Variants in CALN1 observed in about 807,000 individuals in gnomAD.
The protein encoded by CALN1 is calneuron 1.
A neutral mutation model predicts 30.6 loss-of-function variants in CALN1; 17 were observed. That is an observed-to-expected ratio of 0.56 (90% CI 0.38 to 0.83). The LOEUF (loss-of-function observed/expected upper bound fraction) is 0.83, where lower values mean the gene tolerates loss of function less well. Ranked by LOEUF, CALN1 falls within the 40% of genes least tolerant of loss-of-function variation. The pLI, the probability that CALN1 is intolerant of heterozygous loss-of-function variation, is 0.00. For synonymous variants in CALN1, 156 were observed against 131.4 expected, an observed-to-expected ratio of 1.19 and a Z score of -1.28; for missense variants, 291 against 354.9, an observed-to-expected ratio of 0.82 and a Z score of 1.45.
intron 3 of CALN1, among the ~76,000 whole-genome samples, chr7:72,170,038 C>T (rs1563117581): frequency 6.6e-6 from 1 of 152,134 alleles, no homozygotes; most frequent in South Asian, 2.1e-4. Context: ...ACTCTGTCAC[C>T]CAGGCTGGAG....
At chr7:72,458,177 AT>A in the CALN1 span, among the ~76,000 whole-genome samples, 28 of 71,148 alleles carry the variant, frequency 3.9e-4, no homozygotes, top group Admixed American at 6.2e-4. Context: ...TATTTTATGT[AT>A]TATATTTAAT....
At chr7:72,327,750 T>C (rs1024641295) in intron 2 of CALN1, among the ~76,000 whole-genome samples, 12 of 152,230 alleles carry the variant, frequency 7.9e-5, no homozygotes, top group Non-Finnish European at 1.8e-4. Context: ...AATGAATATT[T>C]AATTGCTCTA....
chr7:72,224,269 G>A (rs908959068), intron 3 of CALN1, among the ~76,000 whole-genome samples: 3 of 152,074 alleles, frequency 2.0e-5, no homozygotes, highest in Non-Finnish European at 4.4e-5. Context: ...CACTAGAGGA[G>A]GTAAAATGCA....
intron 2 of CALN1, among the ~76,000 whole-genome samples, chr7:72,323,655 C>T (rs949458006): frequency 1.4e-5 from 2 of 140,396 alleles, no homozygotes; most frequent in Non-Finnish European, 3.0e-5. Flanking sequence ...GAGCGAGACT[C>T]CATCTCAAAA....
intron 2 of CALN1, among the ~76,000 whole-genome samples, chr7:72,355,190 G>C (rs1014746941): frequency 2.0e-4 from 31 of 152,192 alleles, no homozygotes; most frequent in Non-Finnish European, 2.9e-5. Context: ...TTACAGGCGT[G>C]AGCCAACGTG....
At chr7:72,265,779 A>G (rs1022313532) in intron 3 of CALN1, among the ~76,000 whole-genome samples, 1 of 152,002 alleles carries the variant, frequency 6.6e-6, no homozygotes, top group Non-Finnish European at 1.5e-5. Context: ...GTTCTTAGAA[A>G]TAAGAACCTA....
intron 4 of CALN1, among the ~76,000 whole-genome samples, chr7:72,028,228 T>A (rs545607845): frequency 1.8e-4 from 28 of 152,110 alleles, no homozygotes; most frequent in African/African-American, 6.5e-4. Flanking sequence ...AACGAGGCTG[T>A]CTTTGAACAG....
At chr7:72,340,068 G>A (rs947389289) in intron 2 of CALN1, among the ~76,000 whole-genome samples, 20 of 152,346 alleles carry the variant, frequency 1.3e-4, no homozygotes, top group Admixed American at 5.2e-4. Flanking sequence ...CCTTGGATGA[G>A]AGGGAACTGA....
At chr7:71,922,473 GAATA>G (rs1054807057) in intron 5 of CALN1, among the ~76,000 whole-genome samples, 9 of 140,114 alleles carry the variant, frequency 6.4e-5, no homozygotes, top group Admixed American at 2.9e-4. Context: ...ATATAAATAT[GAATA>G]TATATTAATA....
At position 72,323,923 on chromosome 7, in the gene CALN1, A is replaced by C. The variant is rs1801081597; in HGVS notation, c.120-45113T>G. 1.3e-5 allele frequency among the ~76,000 whole-genome samples: 2 copies of C among 151,920 alleles called. 1 individual carries two copies. Among genetic ancestry groups the C allele is most frequent in the South Asian group, 4.2e-4 (2 of 4,814 alleles). Reference sequence around the variant, plus strand: ...GCCGGGTGCTGTGGCACACGTCTATAGTCCCAGCTACTCGGGAGGCTGAGG... The same window carrying C: ...GCCGGGTGCTGTGGCACACGTCTATCGTCCCAGCTACTCGGGAGGCTGAGG... On this transcript the variant is annotated intron_variant, in intron 2 of 6. Coordinates refer to ENST00000395275, the MANE Select transcript of CALN1 (RefSeq NM_031468.4).
intron 2 of CALN1, among the ~76,000 whole-genome samples, chr7:72,311,962 G>A (rs1800084648): frequency 6.6e-6 from 1 of 152,050 alleles, no homozygotes; most frequent in Admixed American, 6.6e-5. Flanking sequence ...AAACAACAGT[G>A]GCTTCCAAGA....
chr7:72,046,185 T>G (rs73188343), intron 4 of CALN1, among the ~76,000 whole-genome samples: 5 of 151,654 alleles, frequency 3.3e-5, no homozygotes, highest in African/African-American at 1.2e-4. Context: ...TGGGGGTACA[T>G]GCCGACAGTC....
At chr7:72,101,101 T>C (rs1806630295) in intron 4 of CALN1, among the ~76,000 whole-genome samples, 1 of 151,944 alleles carries the variant, frequency 6.6e-6, no homozygotes, top group African/African-American at 2.4e-5. Flanking sequence ...GTAGCTGAGA[T>C]TACAGGCACA....
chr7:72,477,492 A>ACTACAGCCTTT, the CALN1 span, among the ~76,000 whole-genome samples: 3 of 152,236 alleles, frequency 2.0e-5, no homozygotes, highest in Middle Eastern at 3.4e-3. Flanking sequence ...ATCATAGCTC[A>ACTACAGCCTTT]CTACAGCCTT....
chr7:72,094,637 A>C (rs1806095510), intron 4 of CALN1, among the ~76,000 whole-genome samples: 1 of 152,122 alleles, frequency 6.6e-6, no homozygotes, highest in Non-Finnish European at 1.5e-5. Context: ...ACTTGAATTC[A>C]ACACGGTCAG....
chr7:72,205,551 A>AAATATATACATACATACAT, intron 3 of CALN1, among the ~76,000 whole-genome samples: 7 of 83,052 alleles, frequency 8.4e-5, no homozygotes, highest in African/African-American at 4.5e-4. Context: ...GCAAAAAAAA[A>AAATATATACATACATACAT]ATATATATAT....
chr7:72,393,182 C>T (rs7787380), intron 2 of CALN1, among the ~76,000 whole-genome samples: 90,371 of 151,964 alleles, frequency 0.59, 28,511 homozygotes, highest in African/African-American at 0.81. Context: ...AAAACTAGCA[C>T]TCCGGCTGGG....
chr7:72,332,074 C>G (rs1490631181), intron 2 of CALN1, among the ~76,000 whole-genome samples: 1 of 152,076 alleles, frequency 6.6e-6, no homozygotes, highest in Non-Finnish European at 1.5e-5. Flanking sequence ...TGTATATGTA[C>G]CACGTTTTCT....
intron 5 of CALN1, among the ~76,000 whole-genome samples, chr7:71,926,801 T>G (rs1056015267): frequency 1.3e-5 from 2 of 152,228 alleles, no homozygotes; most frequent in African/African-American, 4.8e-5. Flanking sequence ...ATCAAAGTCA[T>G]TTTTCATCTC....
Sources: allele counts gnomAD v4.1 joint callset (sites outside exome capture counted in the v4.1 genomes callset), GRCh38; gene constraint gnomAD v4.1.1; transcripts MANE v1.5; gene names NCBI Gene and HGNC (gene_info 2026-07-23, HGNC 2026-07-21).